KIF16B: variants seen among roughly 807,000 people sequenced by gnomAD.
KIF16B encodes kinesin family member 16B.
A neutral mutation model predicts 156.3 loss-of-function variants in KIF16B; 98 were observed. The ratio of observed to expected loss-of-function variants is 0.63; its 90% CI spans 0.53 to 0.74. KIF16B has a LOEUF of 0.74. Among genes scored for constraint, KIF16B ranks in the 30% least tolerant of loss-of-function variants. The pLI is 0.00. For synonymous variants in KIF16B, 564 were observed against 583.7 expected (o/e 0.97, Z 0.49); for missense variants, 1,421 against 1,606.5 (o/e 0.88, Z 1.97).
intron 12 of KIF16B, among the ~76,000 whole-genome samples, chr20:16,446,690 C>T (rs1188267204): frequency 2.0e-5 from 3 of 151,944 alleles, no homozygotes; most frequent in Non-Finnish European, 2.9e-5. Context: ...CTAAAAAGTC[C>T]CTGGATTCTA....
At chr20:16,319,001 T>C (rs1463250174) in intron 24 of KIF16B, among the ~76,000 whole-genome samples, 2 of 152,158 alleles carry the variant, frequency 1.3e-5, no homozygotes, top group Non-Finnish European at 2.9e-5. Flanking sequence ...CTTGAGATGA[T>C]ATGATAAAAA....
intron 9 of KIF16B, 135 bp from the exon 10 acceptor site, chr20:16,504,682 A>G (rs886452303): frequency 1.6e-6 from 1 of 635,824 alleles, no homozygotes; most frequent in African/African-American, 1.8e-5. Context: ...ACAGTAATGA[A>G]TATGAAAAAT....
chr20:16,315,788 C>T (rs6080221), intron 24 of KIF16B, among the ~76,000 whole-genome samples: 2 of 151,982 alleles, frequency 1.3e-5, no homozygotes, highest in African/African-American at 4.8e-5. Context: ...GCTATCCTTA[C>T]AATAAAGTAC....
chr20:16,439,173 C>G (rs981968718), intron 12 of KIF16B, among the ~76,000 whole-genome samples: 1 of 152,134 alleles, frequency 6.6e-6, no homozygotes, highest in Admixed American at 6.6e-5. Flanking sequence ...GCTCTACCCG[C>G]ATGATATGGT....
chr20:16,467,650 C>A (rs1385902488), intron 12 of KIF16B, among the ~76,000 whole-genome samples: 2 of 151,738 alleles, frequency 1.3e-5, no homozygotes, highest in Non-Finnish European at 2.9e-5. Flanking sequence ...AGAATTACAA[C>A]AACTATTCCT....
chr20:16,538,799 T>C (rs2070080558), intron 1 of KIF16B, among the ~76,000 whole-genome samples: 1 of 152,104 alleles, frequency 6.6e-6, no homozygotes, highest in African/African-American at 2.4e-5. Context: ...TGGGAGGTGA[T>C]TGGATCACAG....
intron 12 of KIF16B, among the ~76,000 whole-genome samples, chr20:16,477,600 A>T (rs1399720616): frequency 6.6e-6 from 1 of 152,186 alleles, no homozygotes; most frequent in East Asian, 1.9e-4. Context: ...TTTATTGCTA[A>T]ACCAAGATAG....
At chr20:16,312,693 C>T (rs34990368) in intron 24 of KIF16B, among the ~76,000 whole-genome samples, 5,325 of 152,022 alleles carry the variant, frequency 0.035, 108 homozygotes, top group African/African-American at 0.045. Context: ...TCTCAGATGA[C>T]ATATCAGACT....
chr20:16,409,147 T>C (rs1217432227), intron 15 of KIF16B, among the ~76,000 whole-genome samples: 1 of 152,020 alleles, frequency 6.6e-6, no homozygotes, highest in South Asian at 2.1e-4. Flanking sequence ...GATAAGGGTT[T>C]ATTATAGGGG....
chr20:16,368,846 G>A, intron 22 of KIF16B: 2 of 985,824 alleles, frequency 2.0e-6, no homozygotes, highest in Non-Finnish European at 2.4e-6. Flanking sequence ...GTATGTTGCA[G>A]CAAAGTCCAA....
In KIF16B at chr20:16,535,010, AT is replaced by A. The variant is rs142786748; in HGVS notation, c.48-6571del. ...TTTTTGGTTCCATACAAATTTTAGA[AT>A]TTTTTTTTTATTTCTCTGAAAAACA... On this transcript the variant is annotated intron_variant, in intron 1 of 25. Coordinates refer to ENST00000354981, the MANE Select transcript of KIF16B (RefSeq NM_024704.5). Among the ~76,000 whole-genome samples the A allele has an allele frequency of 1.3e-4, 20 of 150,606 alleles. No individual in the cohort carries two copies. The South Asian group carries it at 2.1e-3, about 16-fold the overall frequency.
intron 1 of KIF16B, among the ~76,000 whole-genome samples, chr20:16,564,634 G>A (rs943400413): frequency 9.3e-5 from 14 of 150,820 alleles, no homozygotes; most frequent in African/African-American, 3.4e-4. Context: ...TGCACGTTGT[G>A]CACATGTACC....
chr20:16,343,951 A>G (rs2064185079), intron 23 of KIF16B, among the ~76,000 whole-genome samples: 1 of 152,186 alleles, frequency 6.6e-6, no homozygotes, highest in Non-Finnish European at 1.5e-5. Flanking sequence ...ATAAAAATCA[A>G]TATAGTGGGT....
intron 17 of KIF16B, among the ~76,000 whole-genome samples, chr20:16,384,764 C>T (rs2065188140): frequency 6.6e-6 from 1 of 152,074 alleles, no homozygotes; most frequent in Admixed American, 6.6e-5. Flanking sequence ...GGGCTCAGAA[C>T]CCCATGCTCA....
intron 23 of KIF16B, among the ~76,000 whole-genome samples, chr20:16,350,922 C>A (rs936310566): frequency 6.6e-6 from 1 of 151,618 alleles, no homozygotes; most frequent in Non-Finnish European, 1.5e-5. Flanking sequence ...ACAAGACTGA[C>A]AAGGGCCCTG....
At chr20:16,309,824 TATATATG>T (rs1486804026) in intron 25 of KIF16B, among the ~76,000 whole-genome samples, 3 of 152,206 alleles carry the variant, frequency 2.0e-5, no homozygotes, top group Non-Finnish European at 4.4e-5. Context: ...TATGTATTTA[TATATATG>T]ACTAGGTAAA....
At chr20:16,558,352 T>A (rs1049291543) in intron 1 of KIF16B, among the ~76,000 whole-genome samples, 1 of 152,198 alleles carries the variant, frequency 6.6e-6, no homozygotes, top group Non-Finnish European at 1.5e-5. Context: ...GGCGTGGCCA[T>A]GTGACTATTC....
intron 15 of KIF16B, among the ~76,000 whole-genome samples, chr20:16,407,451 C>T (rs1314479379): frequency 3.9e-5 from 6 of 152,110 alleles, no homozygotes; most frequent in Admixed American, 6.5e-5. Context: ...GTGTCTAGCA[C>T]ACTTAGCTGA....
At chr20:16,527,458 C>G (rs949202944) in intron 2 of KIF16B, among the ~76,000 whole-genome samples, 1 of 152,262 alleles carries the variant, frequency 6.6e-6, no homozygotes, top group Non-Finnish European at 1.5e-5. Context: ...GGAGATAGAT[C>G]TGACTTGGCC....
Sources: gnomAD v4.1 joint callset for allele counts (sites outside exome capture counted in the v4.1 genomes callset) on GRCh38, gnomAD v4.1.1 for gene constraint, MANE v1.5 for transcripts, NCBI Gene and HGNC (gene_info 2026-07-23, HGNC 2026-07-21) for gene names.